The following METAP1D variants were observed in gnomAD, a reference collection of about 807,000 sequenced individuals.
METAP1D encodes methionine aminopeptidase 1D, mitochondrial.
METAP1D carries 31 observed loss-of-function variants against 40.5 expected under a neutral mutation model. That is an observed-to-expected ratio of 0.77 (90% CI 0.58 to 1.03). The LOEUF (loss-of-function observed/expected upper bound fraction) is 1.03. Ranked by LOEUF, METAP1D falls within the 50% of genes least tolerant of loss-of-function variation. The pLI, the probability that METAP1D is intolerant of heterozygous loss-of-function variation, is 0.00. For missense variants in METAP1D, 411 were observed against 420.7 expected (o/e 0.98, Z 0.20); for synonymous variants, 151 against 146.4 (o/e 1.03, Z -0.22).
At chr2:172,067,754 A>G (rs918267038) in intron 5 of METAP1D, among the ~76,000 whole-genome samples, 1 of 152,236 alleles carries the variant, frequency 6.6e-6, no homozygotes, top group Non-Finnish European at 1.5e-5. Flanking sequence ...AATACTTAAT[A>G]AACAGTTTTG....
At chr2:172,077,995 C>A in intron 7 of METAP1D, 101 bp downstream of exon 7, 1 of 296,994 alleles carries the variant, frequency 3.4e-6, no homozygotes, top group South Asian at 3.6e-5. Context: ...CATTATCAAC[C>A]TTGTGTTTGT....
chr2:172,051,055 A>G (rs1046914466), intron 1 of METAP1D, among the ~76,000 whole-genome samples: 4 of 134,192 alleles, frequency 3.0e-5, no homozygotes, highest in Non-Finnish European at 5.0e-5. Context: ...TTGTGACTCA[A>G]TACTTTATAA....
chr2:172,045,791 GTATA>G (rs1328307477), intron 1 of METAP1D, among the ~76,000 whole-genome samples: 793 of 47,174 alleles, frequency 0.017, 13 homozygotes, highest in Admixed American at 0.06. Flanking sequence ...GTATGTATAT[GTATA>G]TATGTGTGTG....
At chr2:172,068,291 G>A (rs1690336801) in intron 5 of METAP1D, among the ~76,000 whole-genome samples, 1 of 152,024 alleles carries the variant, frequency 6.6e-6, no homozygotes, top group African/African-American at 2.4e-5. Context: ...TACTTAGGAG[G>A]CTGAGGCAGG....
In METAP1D at chr2:172,077,485, A is replaced by G. The variant is rs183987334; in HGVS notation, c.705-312A>G. Among the ~76,000 whole-genome samples, 506 of 150,974 alleles carry G rather than the reference A, an allele frequency of 3.4e-3. 3 individuals are homozygous for G. Among genetic ancestry groups the G allele is most frequent in the Admixed American group, 7.1e-3 (107 of 15,130 alleles). ...ATCCCGGTTATGTATGGCAATCACT[A>G]TGTGTGTATACACACTCACTTGTTG... On this transcript the variant is annotated intron_variant, in intron 6 of 9. Transcript: ENST00000315796.
At chr2:172,016,598 G>C (rs1228814782) in intron 1 of METAP1D, among the ~76,000 whole-genome samples, 1 of 151,740 alleles carries the variant, frequency 6.6e-6, no homozygotes, top group African/African-American at 2.4e-5. Flanking sequence ...TGCAGCCTGG[G>C]CGATAGAGCC....
At chr2:172,040,777 C>T (rs1396599309) in intron 1 of METAP1D, among the ~76,000 whole-genome samples, 1 of 116,530 alleles carries the variant, frequency 8.6e-6, no homozygotes, top group Non-Finnish European at 1.6e-5. Context: ...GATGGAGTCT[C>T]GCTCTCTCTC....
At chr2:172,066,954 G>T (rs1574139865) in intron 5 of METAP1D, among the ~76,000 whole-genome samples, 2 of 152,198 alleles carry the variant, frequency 1.3e-5, no homozygotes, top group East Asian at 3.8e-4. Flanking sequence ...TCACCAAATG[G>T]TTAATAGCCT....
At chr2:172,024,161 A>G (rs1021914249) in intron 1 of METAP1D, among the ~76,000 whole-genome samples, 1 of 152,160 alleles carries the variant, frequency 6.6e-6, no homozygotes, top group South Asian at 2.1e-4. Flanking sequence ...GCCTGGCCTC[A>G]TTGTAAAATT....
chr2:172,065,086 A>G (rs1281086043), intron 3 of METAP1D, among the ~76,000 whole-genome samples: 2 of 152,254 alleles, frequency 1.3e-5, no homozygotes, highest in Non-Finnish European at 2.9e-5. Flanking sequence ...TACAAACTAT[A>G]TTAGACTCAC....
intron 1 of METAP1D, among the ~76,000 whole-genome samples, chr2:172,031,293 A>G (rs1264077576): frequency 6.6e-6 from 1 of 152,074 alleles, no homozygotes; most frequent in African/African-American, 2.4e-5. Flanking sequence ...TGAGTTGGGT[A>G]TGTTTTCAGT....
intron 1 of METAP1D, among the ~76,000 whole-genome samples, chr2:172,045,699 A>ATGTGTGTGTGTG (rs796722451): frequency 0.043 from 3,531 of 82,110 alleles, 160 homozygotes; most frequent in Middle Eastern, 0.062. Flanking sequence ...ATTCATATAT[A>ATGTGTGTGTGTG]TGTGTGTGTG....
rs910765376 is a variant in METAP1D at position 172,080,795 on chromosome 2, G to GT, written c.*391dup. 3 of 287,634 alleles carry GT rather than the reference G, an allele frequency of 1.0e-5. No homozygotes were observed. Among genetic ancestry groups the GT allele is most frequent in the African/African-American group, 2.2e-5 (1 of 45,286 alleles). 17.8% of individuals were successfully genotyped at this position (287,634 alleles called of 1,614,324 possible). A position where few individuals can be genotyped will look rare whatever the true frequency, so the allele number is the denominator to read the frequency against. ...ATCAGAGGTCCTTACCTCTCTGACA[G>GT]TTACAGTGATCTTTGTATCTGAACT... On this transcript the variant is annotated 3_prime_UTR_variant, in exon 10 of 10. Transcript: ENST00000315796.
chr2:172,031,964 G>C (rs963290729), intron 1 of METAP1D, among the ~76,000 whole-genome samples: 1 of 152,152 alleles, frequency 6.6e-6, no homozygotes, highest in Non-Finnish European at 1.5e-5. Flanking sequence ...CTTGTTGCCC[G>C]GCTGGTCAAA....
intron 1 of METAP1D, among the ~76,000 whole-genome samples, chr2:172,034,076 C>CAAAA (rs1491369972): frequency 2.6e-5 from 1 of 39,090 alleles, no homozygotes; most frequent in Non-Finnish European, 5.1e-5. Context: ...GACTTCATCT[C>CAAAA]AAAAAAAAAA....
At chr2:172,078,419 T>C (rs1367498253) in intron 7 of METAP1D, among the ~76,000 whole-genome samples, 1 of 152,136 alleles carries the variant, frequency 6.6e-6, no homozygotes. Flanking sequence ...ACTGCCTGGG[T>C]GTGCACCCTA....
At chr2:172,043,117 A>ATT (rs1430978696) in intron 1 of METAP1D, among the ~76,000 whole-genome samples, 3 of 117,972 alleles carry the variant, frequency 2.5e-5, no homozygotes, top group African/African-American at 8.3e-5. Context: ...ATATATATAT[A>ATT]TTTTTTGGGA....
chr2:172,053,808 C>T (rs866352300), intron 1 of METAP1D, among the ~76,000 whole-genome samples: 11 of 152,264 alleles, frequency 7.2e-5, no homozygotes, highest in Middle Eastern at 3.4e-3. Flanking sequence ...TATTTGATAC[C>T]TCTGCAGTGT....
intron 1 of METAP1D, among the ~76,000 whole-genome samples, chr2:172,036,664 C>T (rs1334093941): frequency 1.3e-5 from 2 of 151,780 alleles, no homozygotes; most frequent in Admixed American, 1.3e-4. Flanking sequence ...CGCACCCGGC[C>T]CGTTTCCACC....
Sources: allele counts gnomAD v4.1 joint callset (sites outside exome capture counted in the v4.1 genomes callset), GRCh38; gene constraint gnomAD v4.1.1; transcripts MANE v1.5; gene names NCBI Gene and HGNC (gene_info 2026-07-23, HGNC 2026-07-21).